The following TMTC2 variants were observed in gnomAD, a reference collection of about 807,000 sequenced individuals.
TMTC2 encodes transmembrane O-mannosyltransferase targeting cadherins 2.
A neutral mutation model predicts 82.4 loss-of-function variants in TMTC2; 43 were observed. The observed-to-expected ratio is 0.52, with a 90% CI of 0.41 to 0.67. The LOEUF (loss-of-function observed/expected upper bound fraction) is 0.67. Ranked by LOEUF, TMTC2 falls within the 30% of genes least tolerant of loss-of-function variation. TMTC2 has a pLI of 0.00. For missense variants in TMTC2, 919 were observed against 1,012.4 expected, an observed-to-expected ratio of 0.91 and a Z score of 1.25; for synonymous variants, 408 against 381.9, an observed-to-expected ratio of 1.07 and a Z score of -0.80.
intron 9 of TMTC2, among the ~76,000 whole-genome samples, chr12:83,042,078 C>T (rs1881916128): frequency 1.3e-5 from 2 of 152,194 alleles, no homozygotes; most frequent in African/African-American, 4.8e-5. Context: ...CTTGTGTGCC[C>T]TGCTATTAAC....
At chr12:82,891,402 G>A (rs1402464431) in intron 2 of TMTC2, among the ~76,000 whole-genome samples, 4 of 152,108 alleles carry the variant, frequency 2.6e-5, no homozygotes, top group African/African-American at 7.2e-5. Context: ...TCCGCCTCCT[G>A]GGTTCAAGCG....
chr12:82,864,722 T>C (rs947786620), intron 2 of TMTC2, among the ~76,000 whole-genome samples: 13 of 151,434 alleles, frequency 8.6e-5, no homozygotes, highest in African/African-American at 1.5e-4. Context: ...AGGATGGTCT[T>C]GATCTCTTGA....
intron 9 of TMTC2, 62 bp downstream of exon 9, chr12:83,030,941 T>G (rs1881406609): frequency 1.6e-6 from 2 of 1,252,776 alleles, no homozygotes; most frequent in Admixed American, 1.7e-5. Flanking sequence ...TGATATGAGA[T>G]CTAGGCTTTG....
intron 8 of TMTC2, among the ~76,000 whole-genome samples, chr12:83,026,409 A>T (rs1446871423): frequency 1.3e-5 from 2 of 152,226 alleles, no homozygotes; most frequent in South Asian, 4.2e-4. Context: ...AATATACAAA[A>T]ATATATATAC....
intron 2 of TMTC2, among the ~76,000 whole-genome samples, chr12:82,869,719 A>T (rs2137134224): frequency 6.6e-6 from 1 of 152,030 alleles, no homozygotes; most frequent in East Asian, 1.9e-4. Flanking sequence ...TGCACCTGTA[A>T]TTCCAGCTAC....
chr12:82,887,842 G>A (rs949017441), intron 2 of TMTC2, among the ~76,000 whole-genome samples: 6 of 152,126 alleles, frequency 3.9e-5, no homozygotes, highest in African/African-American at 2.4e-5. Context: ...CACTTTGGGA[G>A]GCTGAGGCGG....
chr12:82,917,866 G>C (rs1378487346), intron 3 of TMTC2, among the ~76,000 whole-genome samples: 1 of 151,290 alleles, frequency 6.6e-6, no homozygotes, highest in African/African-American at 2.4e-5. Context: ...CCTCCCAAGT[G>C]CTGGGATTAC....
At chr12:83,078,066 G>A (rs12823736) in intron 11 of TMTC2, among the ~76,000 whole-genome samples, 4 of 151,964 alleles carry the variant, frequency 2.6e-5, no homozygotes, top group African/African-American at 9.7e-5. Context: ...TGACTTAGCA[G>A]GGCTCTCACT....
chr12:83,022,358 A>C (rs1880970350), intron 8 of TMTC2, among the ~76,000 whole-genome samples: 1 of 63,358 alleles, frequency 1.6e-5, no homozygotes, highest in Non-Finnish European at 3.7e-5. Context: ...TATCACACAT[A>C]ACCCTCCCCC....
chr12:82,933,727 A>G (rs531601714), intron 4 of TMTC2, among the ~76,000 whole-genome samples: 1 of 152,318 alleles, frequency 6.6e-6, no homozygotes, highest in South Asian at 2.1e-4. Flanking sequence ...AGGGAATCGT[A>G]AGCTTCTGTT....
intron 8 of TMTC2, among the ~76,000 whole-genome samples, chr12:83,003,739 G>C (rs1880025206): frequency 6.6e-6 from 1 of 152,008 alleles, no homozygotes; most frequent in Non-Finnish European, 1.5e-5. Flanking sequence ...CTGAAAATAG[G>C]TCCCCAATCT....
In TMTC2 at chr12:83,030,784, C is replaced by T. The variant is rs1881398049; in HGVS notation, c.2071-14C>T. The T allele has an allele frequency of 6.2e-7, 1 of 1,604,270 alleles. No homozygotes were observed. Among genetic ancestry groups the T allele is most frequent in the African/African-American group, 1.3e-5 (1 of 74,680 alleles). Reference sequence around the variant, plus strand: ...GATCTGTTCCTGAATCATCCATTTTCTCTGTTTTTCAAGGGTCGTAAGAGT... The same window carrying T: ...GATCTGTTCCTGAATCATCCATTTTTTCTGTTTTTCAAGGGTCGTAAGAGT... On this transcript the variant is annotated splice_polypyrimidine_tract_variant and intron_variant, in intron 8 of 11. Transcript: ENST00000321196.
chr12:82,766,483 G>T (rs1876968503), intron 1 of TMTC2, among the ~76,000 whole-genome samples: 1 of 152,154 alleles, frequency 6.6e-6, no homozygotes, highest in Non-Finnish European at 1.5e-5. Flanking sequence ...TGATCACTAG[G>T]CACACTGTTT....
intron 3 of TMTC2, among the ~76,000 whole-genome samples, chr12:82,917,530 G>A (rs1310183620): frequency 6.6e-6 from 1 of 152,154 alleles, no homozygotes; most frequent in East Asian, 1.9e-4. Context: ...AAGCTCATTT[G>A]TTATGAGGAT....
intron 11 of TMTC2, among the ~76,000 whole-genome samples, chr12:83,065,136 A>G (rs899542648): frequency 1.3e-5 from 2 of 151,958 alleles, no homozygotes; most frequent in Non-Finnish European, 2.9e-5. Flanking sequence ...GTAAAATATG[A>G]AGCTGCAACC....
At chr12:82,965,272 T>G (rs1490093455) in intron 5 of TMTC2, among the ~76,000 whole-genome samples, 163 bp downstream of exon 5, 3 of 152,122 alleles carry the variant, frequency 2.0e-5, no homozygotes, top group Admixed American at 2.0e-4. Flanking sequence ...CATCATACTT[T>G]AATGTCCATT....
chr12:82,865,117 C>T (rs915129382), intron 2 of TMTC2, among the ~76,000 whole-genome samples: 32 of 151,104 alleles, frequency 2.1e-4, no homozygotes, highest in Non-Finnish European at 1.6e-4. Flanking sequence ...CCCAGCTACT[C>T]GGGAGGCTGA....
chr12:82,899,730 T>C (rs1873883462), intron 3 of TMTC2, among the ~76,000 whole-genome samples: 1 of 143,256 alleles, frequency 7.0e-6, no homozygotes, highest in Non-Finnish European at 1.5e-5. Context: ...TATAAGAATA[T>C]ATATATGTGG....
intron 11 of TMTC2, among the ~76,000 whole-genome samples, chr12:83,065,478 A>G (rs994817930): frequency 3.9e-5 from 6 of 151,934 alleles, no homozygotes; most frequent in Non-Finnish European, 8.8e-5. Context: ...AGAGAAGTCT[A>G]TTTATTACAA....
Sources: allele counts gnomAD v4.1 joint callset (sites outside exome capture counted in the v4.1 genomes callset), GRCh38; gene constraint gnomAD v4.1.1; transcripts MANE v1.5; gene names NCBI Gene and HGNC (gene_info 2026-07-23, HGNC 2026-07-21).